The following ARMC2 variants were observed in gnomAD, a reference collection of about 807,000 sequenced individuals.
ARMC2 encodes armadillo repeat containing 2, also known as armadillo repeat-containing protein 2.
Under a neutral mutation model 90.3 loss-of-function variants are expected in ARMC2, and 67 were observed. That is an observed-to-expected ratio of 0.74 (90% CI 0.61 to 0.91). ARMC2 has a LOEUF of 0.91. Among genes scored for constraint, ARMC2 ranks in the 40% least tolerant of loss-of-function variants. The pLI is 0.00. For synonymous variants in ARMC2, 393 were observed against 393.0 expected, an observed-to-expected ratio of 1.00 and a Z score of 0.00; for missense variants, 920 against 1,030.9, an observed-to-expected ratio of 0.89 and a Z score of 1.47.
At chr6:108,926,171 G>A (rs1300272183) in intron 10 of ARMC2, among the ~76,000 whole-genome samples, 1 of 152,146 alleles carries the variant, frequency 6.6e-6, no homozygotes, top group Non-Finnish European at 1.5e-5. Flanking sequence ...CAGGGAAAAG[G>A]AACTGTTGGT....
chr6:108,953,477 G>C, intron 13 of ARMC2, 126 bp downstream of exon 13: 2 of 933,886 alleles, frequency 2.1e-6, no homozygotes, highest in Non-Finnish European at 3.1e-6. Flanking sequence ...GAAAGTCTTA[G>C]CTGTATGAAG....
intron 5 of ARMC2, among the ~76,000 whole-genome samples, chr6:108,893,847 G>A (rs1178079394): frequency 2.0e-5 from 3 of 151,872 alleles, no homozygotes; most frequent in Admixed American, 1.3e-4. Flanking sequence ...CGAAACCCCC[G>A]TCTCTACTAA....
chr6:108,960,948 G>A (rs143075862), intron 13 of ARMC2, among the ~76,000 whole-genome samples: 4 of 152,270 alleles, frequency 2.6e-5, no homozygotes, highest in South Asian at 2.1e-4. Context: ...TGAACCAGAC[G>A]ACGCAGTCTA....
In ARMC2 at chr6:108,943,867, T is replaced by C. The variant is rs931582546; in HGVS notation, c.1596+6868T>C. Among the ~76,000 whole-genome samples the C allele has an allele frequency of 5.3e-5, 8 of 152,228 alleles. No homozygotes were observed. The South Asian group carries it at 1.7e-3, about 32-fold the overall frequency. ...AAACAAGACAAAACAAAAGGAACCC[T>C]TAAACCTATTTTCAACTTAAAATTT... On this transcript the variant is annotated intron_variant, in intron 12 of 17. Transcript: ENST00000392644.
chr6:108,959,887 T>C (rs1406069071), intron 13 of ARMC2, among the ~76,000 whole-genome samples: 2 of 152,060 alleles, frequency 1.3e-5, no homozygotes, highest in African/African-American at 4.8e-5. Context: ...GGTTTCACCA[T>C]GTTGTCCAGG....
chr6:108,962,390 G>A (rs543734444), intron 15 of ARMC2, among the ~76,000 whole-genome samples: 10 of 152,218 alleles, frequency 6.6e-5, no homozygotes, highest in Admixed American at 5.9e-4. Flanking sequence ...ACTTCTGTCT[G>A]GGGGCATATT....
chr6:108,972,432 A>C (rs1003952853), intron 17 of ARMC2, among the ~76,000 whole-genome samples: 1 of 152,170 alleles, frequency 6.6e-6, no homozygotes, highest in African/African-American at 2.4e-5. Flanking sequence ...AAGCCAGCAA[A>C]GTTCTGATTT....
the ARMC2 span, among the ~76,000 whole-genome samples, chr6:109,051,765 G>C: frequency 6.6e-6 from 1 of 152,142 alleles, no homozygotes; most frequent in African/African-American, 2.4e-5. Flanking sequence ...CAGTTCTGGA[G>C]GCTGGAAAGT....
intron 5 of ARMC2, among the ~76,000 whole-genome samples, chr6:108,892,759 CAAAA>C (rs55747245): frequency 4.1e-4 from 37 of 89,684 alleles, no homozygotes; most frequent in South Asian, 6.3e-4. Flanking sequence ...AACTCCATCT[CAAAA>C]AAAAAAAAAA....
In ARMC2 at chr6:108,904,389, C is replaced by A; in HGVS notation, c.1007C>A (p.Ala336Glu). 1 of 1,602,172 alleles carries A rather than the reference C, an allele frequency of 6.2e-7. No individual in the cohort carries two copies. The highest frequency in any genetic ancestry group is 8.5e-7 in the Non-Finnish European group (1 of 1,176,340). ...VGSDSLSLKL[A>E]KIILALKVSR... is the part of the protein sequence containing the mutation. Reference sequence around the variant, plus strand: ...TCAGACTCGCTCAGCCTTAAACTTGCAAAAATAATTCTAGCAGTAAGTTTT... The same window carrying A: ...TCAGACTCGCTCAGCCTTAAACTTGAAAAAATAATTCTAGCAGTAAGTTTT... Residue 336 changes from alanine to glutamate, a missense_variant, in exon 8 of 18, where the codon GCA becomes GAA. Coordinates refer to ENST00000392644, the MANE Select transcript of ARMC2 (RefSeq NM_032131.6).
chr6:108,850,953 G>A (rs1773953211), intron 1 of ARMC2, among the ~76,000 whole-genome samples: 1 of 152,168 alleles, frequency 6.6e-6, no homozygotes, highest in African/African-American at 2.4e-5. Context: ...GCTTCCTTGA[G>A]GAAATGACCT....
Position 108,913,178 on chromosome 6 carries a change from A to G in ARMC2, c.1350+620A>G, listed in dbSNP as rs531136751. On this transcript the variant is annotated intron_variant, in intron 10 of 17. Coordinates refer to ENST00000392644, the MANE Select transcript of ARMC2 (RefSeq NM_032131.6). ...TCACTGGAGCTGCTCTGGCTTGGAT[A>G]CTCTTTTAGATGAGATTTTACTTTT... 2.0e-5 allele frequency among the ~76,000 whole-genome samples: 3 copies of G among 152,274 alleles called. No homozygotes were observed. In the South Asian group the frequency reaches 6.2e-4, roughly 32 times the overall value.
intron 5 of ARMC2, among the ~76,000 whole-genome samples, chr6:108,885,104 G>A (rs1205431870): frequency 2.0e-5 from 3 of 152,112 alleles, no homozygotes; most frequent in African/African-American, 7.2e-5. Context: ...TTTAAGCTAA[G>A]GGAATTTAAG....
intron 17 of ARMC2, among the ~76,000 whole-genome samples, chr6:108,967,663 A>G (rs1190482147): frequency 6.6e-6 from 1 of 152,188 alleles, no homozygotes; most frequent in Non-Finnish European, 1.5e-5. Context: ...TAATACCTAC[A>G]GTGTGAACGC....
chr6:109,037,097 T>G, the ARMC2 span, among the ~76,000 whole-genome samples: 3 of 152,166 alleles, frequency 2.0e-5, no homozygotes, highest in East Asian at 5.8e-4. Flanking sequence ...ATGAAAACTT[T>G]CTAAGTAGTA....
chr6:108,876,336 T>G lies in ARMC2; in HGVS notation c.657T>G (p.His219Gln). 1 of 1,611,430 alleles carries G rather than the reference T, an allele frequency of 6.2e-7. No individual in the cohort carries two copies. The highest frequency in any genetic ancestry group is 8.5e-7 in the Non-Finnish European group (1 of 1,179,004). ...MFKGTTSLPS[H>Q]LKNGGDQGKR... ...AAGGAACAACATCTTTACCATCTCA[T>G]CTCAAGAATGGAGGGTCAGTATTCT... Residue 219 changes from histidine (H) to glutamine (Q), a missense_variant, in exon 5 of 18, where the codon CAT becomes CAG. By Grantham distance (24) the His-to-Gln change is conservative. Transcript: ENST00000392644.
At chr6:108,963,430 G>A (rs1778138678) in intron 15 of ARMC2, among the ~76,000 whole-genome samples, 1 of 152,204 alleles carries the variant, frequency 6.6e-6, no homozygotes, top group Non-Finnish European at 1.5e-5. Context: ...CCTCTTAAGA[G>A]CACATATGTA....
Position 108,960,534 on chromosome 6 carries a change from A to G in ARMC2, c.1916-1038A>G, listed in dbSNP as rs1777918526. Among the ~76,000 whole-genome samples, 3 of 152,250 alleles carry G rather than the reference A, an allele frequency of 2.0e-5. No homozygotes were observed. The South Asian group carries it at 6.2e-4, about 32-fold the overall frequency. ...GAAGCTGGGAATGCAGCCATGAAGA[A>G]AACAGACACATCCCTAGGCCTCAGG... On this transcript the variant is annotated intron_variant, in intron 13 of 17. Transcript: ENST00000392644.
At chr6:108,993,860 A>G in the ARMC2 span, among the ~76,000 whole-genome samples, 3 of 152,090 alleles carry the variant, frequency 2.0e-5, no homozygotes, top group Non-Finnish European at 4.4e-5. Context: ...TACTACAGGT[A>G]CAAACTGCCG....
Sources: allele counts gnomAD v4.1 joint callset (sites outside exome capture counted in the v4.1 genomes callset), GRCh38; gene constraint gnomAD v4.1.1; transcripts MANE v1.5; gene names NCBI Gene and HGNC (gene_info 2026-07-23, HGNC 2026-07-21).